The following UNC79 variants were observed in gnomAD, a reference collection of about 807,000 sequenced individuals.
The protein encoded by UNC79 is unc-79 subunit of NALCN channel complex, also known as protein unc-79 homolog.
A neutral mutation model predicts 283.1 loss-of-function variants in UNC79; 37 were observed. The observed-to-expected ratio is 0.13, with a 90% CI of 0.10 to 0.17. The LOEUF is 0.17. Among genes scored for constraint, UNC79 ranks in the 10% least tolerant of loss-of-function variants. The pLI, the probability that UNC79 is intolerant of heterozygous loss-of-function variation, is 1.00. For missense variants in UNC79, 2,272 were observed against 3,211.1 expected (o/e 0.71, Z 7.07); for synonymous variants, 1,107 against 1,200.2 (o/e 0.92, Z 1.61).
chr14:93,405,628 C>T (rs1835624436), intron 1 of UNC79, among the ~76,000 whole-genome samples: 1 of 152,062 alleles, frequency 6.6e-6, no homozygotes, highest in South Asian at 2.1e-4. Context: ...TTATTAAGGT[C>T]ATATTTGCTG....
intron 1 of UNC79, among the ~76,000 whole-genome samples, chr14:93,412,598 T>A (rs534058803): frequency 1.3e-5 from 2 of 152,192 alleles, no homozygotes; most frequent in African/African-American, 4.8e-5. Context: ...GGGAGTTTGA[T>A]TATAAAATGC....
At chr14:93,477,382 G>A (rs2057862981) in intron 3 of UNC79, among the ~76,000 whole-genome samples, 176 bp from the exon 4 acceptor site, 1 of 152,124 alleles carries the variant, frequency 6.6e-6, no homozygotes, top group Non-Finnish European at 1.5e-5. Context: ...GTCATTTATT[G>A]ACCAATTACT....
At position 93,568,539 on chromosome 14, in the gene UNC79, T is replaced by G. The variant is rs551998239; in HGVS notation, c.1756-3355T>G. Among the ~76,000 whole-genome samples the G allele has an allele frequency of 3.3e-5, 5 of 152,084 alleles. No homozygotes were observed. In the South Asian group the frequency reaches 1.0e-3, roughly 32 times the overall value. On this transcript the variant is annotated intron_variant, in intron 14 of 48. Coordinates refer to ENST00000555664, the Ensembl canonical transcript of UNC79. ...AAATACAAAAATTAGCTGGGTGTGG[T>G]GGCGGGTGGCTGTAATCCCAGCTTG...
intron 6 of UNC79, 135 bp from the exon 7 acceptor site, chr14:93,497,022 T>C: frequency 2.2e-6 from 2 of 895,578 alleles, no homozygotes; most frequent in East Asian, 2.5e-5. Context: ...ATGAAACATG[T>C]CTGCATGAGA....
chr14:93,341,921 T>C (rs1244704088), intron 1 of UNC79, among the ~76,000 whole-genome samples: 1 of 152,170 alleles, frequency 6.6e-6, no homozygotes, highest in Non-Finnish European at 1.5e-5. Flanking sequence ...CAGCTATTCT[T>C]GTGTGGCTCT....
intron 33 of UNC79, among the ~76,000 whole-genome samples, 154 bp downstream of exon 36, chr14:93,641,401 G>A (rs1248945677): frequency 6.6e-6 from 1 of 152,168 alleles, no homozygotes; most frequent in African/African-American, 2.4e-5. Context: ...TGTTCAGTGA[G>A]TATGATAAAG....
chr14:93,707,842 G>A (rs938519093), downstream of UNC79: 9 of 148,548 alleles, frequency 6.1e-5, no homozygotes, highest in Non-Finnish European at 1.2e-4. Context: ...CATTTAAACT[G>A]TATATTGACA....
intron 1 of UNC79, among the ~76,000 whole-genome samples, chr14:93,431,432 C>G (rs1486091638): frequency 6.6e-6 from 1 of 151,876 alleles, no homozygotes; most frequent in Non-Finnish European, 1.5e-5. Flanking sequence ...GGGCGGGGAA[C>G]TGTCAGTTGC....
rs150772296 is a variant in UNC79 at position 93,510,340 on chromosome 14, C to T, written c.898+13054C>T. On this transcript the variant is annotated intron_variant, in intron 7 of 48. Transcript: ENST00000555664. ...TCCTCTTTACTTATGCAAATTTCTG[C>T]AGCTGGCTTGAATTCCTCCCCAGAA... 4.9e-3 allele frequency among the ~76,000 whole-genome samples: 753 copies of T among 152,314 alleles called. 3 individuals carry two copies. The highest frequency in any genetic ancestry group is 0.017 in the Middle Eastern group (5 of 294).
chr14:93,567,545 C>G (rs147542327), intron 14 of UNC79, among the ~76,000 whole-genome samples: 1 of 151,886 alleles, frequency 6.6e-6, no homozygotes, highest in Non-Finnish European at 1.5e-5. Context: ...CTTTTCTGTC[C>G]GTCACTTTCC....
At chr14:93,644,899 AT>A (rs1047558472) in intron 34 of UNC79, among the ~76,000 whole-genome samples, 2 of 152,186 alleles carry the variant, frequency 1.3e-5, no homozygotes, top group Non-Finnish European at 2.9e-5. Flanking sequence ...TGACCATTGC[AT>A]CTCAAGACTT....
chr14:93,587,325 T>G (rs1350799108), intron 22 of UNC79, among the ~76,000 whole-genome samples: 1 of 152,206 alleles, frequency 6.6e-6, no homozygotes, highest in East Asian at 1.9e-4. Flanking sequence ...AAGTTATTTT[T>G]TAGAGACTGG....
At chr14:93,579,137 C>T (rs1566693252) in intron 18 of UNC79, among the ~76,000 whole-genome samples, 3 of 152,094 alleles carry the variant, frequency 2.0e-5, no homozygotes, top group African/African-American at 7.2e-5. Context: ...GGCAGGAAGA[C>T]CACAGATGTG....
At chr14:93,524,949 T>C (rs1370500142) in intron 8 of UNC79, among the ~76,000 whole-genome samples, 1 of 152,128 alleles carries the variant, frequency 6.6e-6, no homozygotes, top group Non-Finnish European at 1.5e-5. Context: ...ACCATCTCTT[T>C]ATAGAAACAA....
chr14:93,672,636 G>A (rs1412856572), intron 40 of UNC79, among the ~76,000 whole-genome samples: 1 of 152,082 alleles, frequency 6.6e-6, no homozygotes, highest in Non-Finnish European at 1.5e-5. Flanking sequence ...AGTATATTGT[G>A]CATTTCAAAA....
Position 93,535,002 on chromosome 14 carries a change from C to T in UNC79, c.1122+2424C>T, listed in dbSNP as rs1387820347. ...ATTCTACCTCTTTGTACTGCATATT[C>T]CCTGAATGGTATATTTGAAATAAGC... On this transcript the variant is annotated intron_variant, in intron 11 of 48. Coordinates refer to ENST00000555664, the Ensembl canonical transcript of UNC79. Among the ~76,000 whole-genome samples, 4 of 152,106 alleles carry T rather than the reference C, an allele frequency of 2.6e-5. No individual in the cohort carries two copies. The South Asian group carries it at 6.2e-4, about 24-fold the overall frequency.
rs146173665 is a variant in UNC79 at position 93,492,316 on chromosome 14, C to T, written c.713-4095C>T. Among the ~76,000 whole-genome samples the T allele has an allele frequency of 4.1e-3, 617 of 151,012 alleles. 2 individuals carry two copies. The highest frequency in any genetic ancestry group is 0.014 in the African/African-American group (579 of 41,424). On this transcript the variant is annotated intron_variant, in intron 5 of 48. Transcript: ENST00000555664. ...ATTGAAATGATCAGAAAAGATTTTG[C>T]GTCACTTGGGCCAAGGATGAGTTTT...
At chr14:93,450,180 T>C (rs2056594731) in intron 1 of UNC79, among the ~76,000 whole-genome samples, 1 of 152,194 alleles carries the variant, frequency 6.6e-6, no homozygotes, top group African/African-American at 2.4e-5. Context: ...TGGGTTACTC[T>C]ATGTTTTCTG....
intron 23 of UNC79, 136 bp from the exon 24 acceptor site, chr14:93,597,223 A>G (rs2065142034): frequency 1.2e-6 from 1 of 852,242 alleles, no homozygotes; most frequent in African/African-American, 1.7e-5. Context: ...TTGGGATTTA[A>G]AGTAAACCAT....
Sources: allele counts gnomAD v4.1 joint callset (sites outside exome capture counted in the v4.1 genomes callset), GRCh38; gene constraint gnomAD v4.1.1; transcripts MANE v1.5; gene names NCBI Gene and HGNC (gene_info 2026-07-23, HGNC 2026-07-21).